Variants in ZFAT observed in about 807,000 individuals in gnomAD.
ZFAT encodes zinc finger protein ZFAT.
A neutral mutation model predicts 117.7 loss-of-function variants in ZFAT; 64 were observed. The ratio of observed to expected loss-of-function variants is 0.54; its 90% confidence interval spans 0.44 to 0.67. ZFAT has a LOEUF of 0.67. Ranked by LOEUF, ZFAT falls within the 30% of genes least tolerant of loss-of-function variation. The pLI, the probability that ZFAT is intolerant of heterozygous loss-of-function variation, is 0.00. For missense variants in ZFAT, 1,433 were observed against 1,584.5 expected, an observed-to-expected ratio of 0.90 and a Z score of 1.62; for synonymous variants, 679 against 615.0, an observed-to-expected ratio of 1.10 and a Z score of -1.54.
chr8:134,789,088 T>C, the ZFAT span, among the ~76,000 whole-genome samples: 152,314 of 152,316 alleles, frequency 1, 76,156 homozygotes, highest in Middle Eastern at 1. Context: ...TTTGACCCAT[T>C]TGTTTTATGT....
chr8:134,599,585 C>G (rs1414581340), intron 7 of ZFAT: 3 of 360,820 alleles, frequency 8.3e-6, no homozygotes, highest in Admixed American at 4.0e-5. Context: ...GACCTACTCA[C>G]CACACCCAAA....
chr8:134,678,382 C>A (rs1832908190), intron 1 of ZFAT, among the ~76,000 whole-genome samples: 1 of 152,094 alleles, frequency 6.6e-6, no homozygotes, highest in South Asian at 2.1e-4. Flanking sequence ...ATACAACTTA[C>A]AAGGGATGTG....
At chr8:134,629,335 A>G (rs1055656176) in intron 3 of ZFAT, among the ~76,000 whole-genome samples, 1 of 152,094 alleles carries the variant, frequency 6.6e-6, no homozygotes, top group African/African-American at 2.4e-5. Context: ...CTGGTGGTGA[A>G]ATCAGGCAAA....
intron 3 of ZFAT, among the ~76,000 whole-genome samples, chr8:134,634,293 G>C (rs545323132): frequency 2.0e-5 from 3 of 152,188 alleles, no homozygotes; most frequent in Non-Finnish European, 2.9e-5. Flanking sequence ...ATACATATGG[G>C]TGTACAAAGA....
intron 11 of ZFAT, among the ~76,000 whole-genome samples, chr8:134,557,250 C>T (rs1823709099): frequency 6.6e-6 from 1 of 152,178 alleles, no homozygotes; most frequent in African/African-American, 2.4e-5. Context: ...CAAATCCAAA[C>T]TGAGGGATAT....
chr8:134,481,324 C>T (rs1817289212), intron 15 of ZFAT, among the ~76,000 whole-genome samples: 1 of 152,136 alleles, frequency 6.6e-6, no homozygotes, highest in Non-Finnish European at 1.5e-5. Flanking sequence ...TCCCAGGTCC[C>T]CAGGGCTTCA....
the ZFAT span, among the ~76,000 whole-genome samples, chr8:134,800,174 C>T: frequency 2.6e-5 from 4 of 151,922 alleles, no homozygotes; most frequent in Non-Finnish European, 2.9e-5. Context: ...ATACCCAGAG[C>T]CTTATGTCAT....
chr8:134,547,252 A>G (rs1043299674), intron 11 of ZFAT, among the ~76,000 whole-genome samples: 1 of 152,212 alleles, frequency 6.6e-6, no homozygotes, highest in Non-Finnish European at 1.5e-5. Flanking sequence ...AAAGCTCACC[A>G]CAAACAAGCT....
chr8:134,722,414 G>A, the ZFAT span, among the ~76,000 whole-genome samples: 4 of 152,208 alleles, frequency 2.6e-5, no homozygotes, highest in Non-Finnish European at 5.9e-5. Flanking sequence ...GTTTTGAGTT[G>A]TTCCCGGCAG....
At chr8:134,479,990 G>A (rs1438767414) in intron 15 of ZFAT, among the ~76,000 whole-genome samples, 4 of 120,034 alleles carry the variant, frequency 3.3e-5, no homozygotes, top group African/African-American at 9.9e-5. Context: ...GTCTGACTCT[G>A]TTGCCCAAGC....
At chr8:134,501,377 G>A (rs1818963688) in intron 15 of ZFAT, among the ~76,000 whole-genome samples, 1 of 152,314 alleles carries the variant, frequency 6.6e-6, no homozygotes, top group South Asian at 2.1e-4. Flanking sequence ...TGGAGTGGGT[G>A]TGACATCCAA....
At chr8:134,785,552 T>C in the ZFAT span, 1 of 150,964 alleles carries the variant, frequency 6.6e-6, no homozygotes, top group Non-Finnish European at 1.5e-5. Context: ...AAAAATATGG[T>C]GTGAGAAGGG....
intron 15 of ZFAT, among the ~76,000 whole-genome samples, chr8:134,504,518 G>A (rs1037821416): frequency 3.9e-5 from 6 of 152,214 alleles, no homozygotes; most frequent in Admixed American, 2.6e-4. Context: ...GTCAGTGACA[G>A]TCTTAGACAG....
chr8:134,627,748 T>TG (rs1370963940), intron 3 of ZFAT, among the ~76,000 whole-genome samples: 1 of 152,246 alleles, frequency 6.6e-6, no homozygotes, highest in Non-Finnish European at 1.5e-5. Flanking sequence ...ACTGAGCACT[T>TG]GCTGTGTGCC....
rs959606541 is a variant in ZFAT at position 134,569,762 on chromosome 8, G to A, written c.2888-4341C>T. 2.6e-5 allele frequency among the ~76,000 whole-genome samples: 4 copies of A among 152,150 alleles called. No homozygotes were observed. The East Asian group carries it at 7.7e-4, about 29-fold the overall frequency. ...ACAGTGGACCTTTCAGCTGAGTGCA[G>A]TGCCCTCCAGACCTGTACCTCCCTG... On this transcript the variant is annotated intron_variant, in intron 10 of 15. Coordinates refer to ENST00000377838, the MANE Select transcript of ZFAT (RefSeq NM_020863.4).
intron 1 of ZFAT, among the ~76,000 whole-genome samples, chr8:134,658,087 C>T (rs772111170): frequency 6.6e-6 from 1 of 152,194 alleles, no homozygotes; most frequent in African/African-American, 2.4e-5. Flanking sequence ...CCTGTAATCC[C>T]AGCACTTTGG....
chr8:134,807,334 G>A, the ZFAT span, among the ~76,000 whole-genome samples: 1 of 152,156 alleles, frequency 6.6e-6, no homozygotes, highest in Non-Finnish European at 1.5e-5. Context: ...TCTCCCAAGA[G>A]TATTGTTGTA....
chr8:134,728,246 G>A, the ZFAT span, among the ~76,000 whole-genome samples: 15 of 152,224 alleles, frequency 9.9e-5, no homozygotes, highest in African/African-American at 3.4e-4. Context: ...ATCACAGGGA[G>A]GAAGGTGAGG....
At chr8:134,717,292 C>A (rs191389712), upstream of ZFAT, among the ~76,000 whole-genome samples, 1 of 151,396 alleles carries the variant, frequency 6.6e-6, no homozygotes, top group East Asian at 2.0e-4. Context: ...GGAGCCCCCA[C>A]CAGCAAATGC....
Sources: allele counts gnomAD v4.1 joint callset (sites outside exome capture counted in the v4.1 genomes callset), GRCh38; gene constraint gnomAD v4.1.1; transcripts MANE v1.5; gene names NCBI Gene and HGNC (gene_info 2026-07-23, HGNC 2026-07-21).